Variants in MFSD8 observed in about 807,000 individuals in gnomAD.
MFSD8 encodes the protein major facilitator superfamily domain containing 8.
In MFSD8, 55 loss-of-function variants were observed where a neutral mutation model predicts 66.4. The ratio of observed to expected loss-of-function variants is 0.83; its 90% CI spans 0.67 to 1.04. MFSD8 has a LOEUF of 1.04. MFSD8 is among the 50% of genes least tolerant of loss of function. The pLI, the probability that MFSD8 is intolerant of heterozygous loss-of-function variation, is 0.00. For missense variants in MFSD8, 550 were observed against 627.6 expected (o/e 0.88, Z 1.32); for synonymous variants, 202 against 212.8 (o/e 0.95, Z 0.44).
chr4:127,945,253 C>T (rs1186483112), intron 3 of MFSD8: 1 of 152,076 alleles, frequency 6.6e-6, no homozygotes, highest in Non-Finnish European at 1.5e-5. Context: ...AGTGGTAGAA[C>T]AATTTAATAA....
intron 1 of MFSD8, among the ~76,000 whole-genome samples, chr4:127,964,456 C>A (rs1744583541): frequency 6.6e-6 from 1 of 152,242 alleles, no homozygotes; most frequent in African/African-American, 2.4e-5. Context: ...GGACCCAGCA[C>A]ACCCTCCGCA....
At chr4:127,945,973 TAC>T (rs1296937396) in intron 3 of MFSD8, among the ~76,000 whole-genome samples, 1 of 150,402 alleles carries the variant, frequency 6.6e-6, no homozygotes, top group African/African-American at 2.4e-5. Context: ...CAGGCCAGAA[TAC>T]AGTGGCATAA....
Position 127,954,638 on chromosome 4 carries a change from T to C in MFSD8, c.154+2863A>G, listed in dbSNP as rs573309070. On this transcript the variant is annotated intron_variant, in intron 2 of 11. Transcript: ENST00000641686. ...CTCAAAAAGAAAAAAACAGAGAAGGTGGACTACATCAGTATTTAACACTTC... is the reference window on the plus strand; with the variant it reads ...CTCAAAAAGAAAAAAACAGAGAAGGCGGACTACATCAGTATTTAACACTTC... Among the ~76,000 whole-genome samples the C allele has an allele frequency of 4.6e-5, 7 of 152,226 alleles. No individual in the cohort carries two copies. The East Asian group carries it at 1.4e-3, about 29-fold the overall frequency.
Position 127,964,490 on chromosome 4 carries a change from C to T in MFSD8, c.62+582G>A, listed in dbSNP as rs536328461. ...CAGCCGCTGGCCCGGGTGCTAAGCC[C>T]CTCATTGCCCGGGGCCGGCAGGGCC... is the stretch of plus-strand genomic sequence containing the variant. On this transcript the variant is annotated intron_variant, in intron 1 of 11. Transcript: ENST00000641686. Among the ~76,000 whole-genome samples, 302 of 152,346 alleles carry T rather than the reference C, an allele frequency of 2.0e-3. 1 individual carries two copies. The highest frequency in any genetic ancestry group is 6.8e-3 in the African/African-American group (283 of 41,586).
At chr4:127,963,148 T>C (rs1744074726) in intron 1 of MFSD8, among the ~76,000 whole-genome samples, 1 of 152,254 alleles carries the variant, frequency 6.6e-6, no homozygotes, top group Non-Finnish European at 1.5e-5. Flanking sequence ...ATTCCTTTAA[T>C]GCCTTAAAAT....
intron 7 of MFSD8, among the ~76,000 whole-genome samples, chr4:127,936,003 C>T (rs58739158): frequency 6.6e-6 from 1 of 151,994 alleles, no homozygotes; most frequent in African/African-American, 2.4e-5. Context: ...ACAGGAGACC[C>T]AGTTAAATTT....
chr4:127,946,494 G>A (rs962027572), intron 3 of MFSD8, among the ~76,000 whole-genome samples: 2 of 152,136 alleles, frequency 1.3e-5, no homozygotes, highest in Non-Finnish European at 2.9e-5. Context: ...ATAATTTCAT[G>A]TAATATTATT....
chr4:127,933,301 G>A (rs899695237), intron 7 of MFSD8: 4 of 456,818 alleles, frequency 8.8e-6, no homozygotes, highest in Non-Finnish European at 1.6e-5. Flanking sequence ...CTAGAGTGCA[G>A]TGTCATGATC....
At position 127,935,682 on chromosome 4, in the gene MFSD8, T is replaced by C. The variant is rs542441069; in HGVS notation, c.755-2589A>G. On this transcript the variant is annotated intron_variant, in intron 7 of 11. Coordinates refer to ENST00000641686, the MANE Select transcript of MFSD8 (RefSeq NM_001371596.2). Reference sequence around the variant, plus strand: ...TCTAAACTCATTCCCATTTGTACTTTAGAACAGTGCTGCCCAACAGAACTG... The same window carrying C: ...TCTAAACTCATTCCCATTTGTACTTCAGAACAGTGCTGCCCAACAGAACTG... Among the ~76,000 whole-genome samples, 239 of 152,332 alleles carry C rather than the reference T, an allele frequency of 1.6e-3. 1 individual carries two copies. Among genetic ancestry groups the C allele is most frequent in the Middle Eastern group, 3.4e-3 (1 of 292 alleles).
intron 1 of MFSD8, 69 bp downstream of exon 1, chr4:127,965,002 TG>T (rs1744789173): frequency 1.9e-6 from 3 of 1,563,560 alleles, no homozygotes; most frequent in South Asian, 1.1e-5. Flanking sequence ...CCAGTGCGGG[TG>T]ACGCCCGGAA....
At chr4:127,924,556 G>A (rs1442011956) in intron 9 of MFSD8, among the ~76,000 whole-genome samples, 2 of 152,096 alleles carry the variant, frequency 1.3e-5, no homozygotes, top group African/African-American at 2.4e-5. Context: ...CCTCTTCAAG[G>A]AGAACTACAA....
chr4:127,936,878 A>G (rs1380196498), intron 7 of MFSD8, among the ~76,000 whole-genome samples: 2 of 152,086 alleles, frequency 1.3e-5, no homozygotes, highest in Admixed American at 1.3e-4. Context: ...TCCCCTTCCA[A>G]GTTCTGAAAT....
At chr4:127,943,016 A>T (rs1740453769) in intron 4 of MFSD8, among the ~76,000 whole-genome samples, 1 of 152,150 alleles carries the variant, frequency 6.6e-6, no homozygotes, top group Non-Finnish European at 1.5e-5. Context: ...CAGGAGTTCA[A>T]GACCAGCCTG....
chr4:127,950,992 G>A (rs1050356137), intron 2 of MFSD8, among the ~76,000 whole-genome samples: 9 of 151,528 alleles, frequency 5.9e-5, no homozygotes, highest in African/African-American at 1.2e-4. Context: ...ACACGGAGGC[G>A]GAGGTTGTAG....
chr4:127,943,607 A>T, intron 4 of MFSD8, 145 bp downstream of exon 4: 2 of 975,026 alleles, frequency 2.1e-6, no homozygotes, highest in East Asian at 5.2e-5. Context: ...CAAAATGATA[A>T]GAAAAATATT....
chr4:127,939,693 C>T (rs1739814117), intron 6 of MFSD8, 160 bp downstream of exon 6: 1 of 511,574 alleles, frequency 2.0e-6, no homozygotes, highest in East Asian at 3.6e-5. Flanking sequence ...TTTTGGTTGC[C>T]AGTATTACAT....
At chr4:127,962,524 C>G (rs1271869633) in intron 1 of MFSD8, among the ~76,000 whole-genome samples, 1 of 151,260 alleles carries the variant, frequency 6.6e-6, no homozygotes, top group African/African-American at 2.4e-5. Context: ...TCCCAAATGT[C>G]TCAATAGGCT....
intron 5 of MFSD8, among the ~76,000 whole-genome samples, chr4:127,940,515 G>A (rs1006802259): frequency 6.0e-5 from 4 of 66,662 alleles, no homozygotes; most frequent in East Asian, 7.6e-4. Flanking sequence ...TTCTGTATAT[G>A]GTATATATAT....
At chr4:127,923,552 T>TTTATTATTATTATTA (rs200387529) in intron 9 of MFSD8, among the ~76,000 whole-genome samples, 19 of 130,562 alleles carry the variant, frequency 1.5e-4, no homozygotes, top group South Asian at 2.6e-4. Flanking sequence ...TTTATTTTTA[T>TTTATTATTATTATTA]TTATTATTAT....
Sources: gnomAD v4.1 joint callset for allele counts (sites outside exome capture counted in the v4.1 genomes callset) on GRCh38, gnomAD v4.1.1 for gene constraint, MANE v1.5 for transcripts, NCBI Gene and HGNC (gene_info 2026-07-23, HGNC 2026-07-21) for gene names.